Variants in UBE2E3 observed in about 807,000 individuals in gnomAD.
UBE2E3 encodes the protein ubiquitin-conjugating enzyme E2 E3.
In UBE2E3, 5 loss-of-function variants were observed where a neutral mutation model predicts 23.6. That is an observed-to-expected ratio of 0.21 (90% CI 0.11 to 0.44). The LOEUF (loss-of-function observed/expected upper bound fraction) is 0.44. UBE2E3 is among the 20% of genes least tolerant of loss of function. The pLI, the probability that UBE2E3 is intolerant of heterozygous loss-of-function variation, is 0.99. For missense variants in UBE2E3, 81 were observed against 249.8 expected, an observed-to-expected ratio of 0.32 and a Z score of 4.55; for synonymous variants, 78 against 87.5, an observed-to-expected ratio of 0.89 and a Z score of 0.60.
chr2:181,042,518 G>C (rs577333686), intron 3 of UBE2E3, among the ~76,000 whole-genome samples: 2 of 152,156 alleles, frequency 1.3e-5, no homozygotes, highest in African/African-American at 4.8e-5. Context: ...TCATCAGGGA[G>C]GTAGGAAGAA....
intron 3 of UBE2E3, among the ~76,000 whole-genome samples, chr2:180,993,200 T>C (rs1332861365): frequency 2.0e-5 from 3 of 152,200 alleles, no homozygotes; most frequent in South Asian, 2.1e-4. Context: ...ATACCAATAG[T>C]GAGGATCAGC....
rs565463656 is a variant in UBE2E3, at chr2:180,992,511, T to C, written c.245+8418T>C. Among the ~76,000 whole-genome samples the C allele has an allele frequency of 1.8e-3, 275 of 151,796 alleles. 1 individual carries two copies. The highest frequency in any genetic ancestry group is 3.2e-3 in the Non-Finnish European group (214 of 67,844). ...TCACTCATGTGAAGACCACTGTGGG[T>C]CCAGGGACTATCTTGGGCAGCTCTT... On this transcript the variant is annotated intron_variant, in intron 3 of 5. Transcript: ENST00000410062.
chr2:181,061,599 A>T (rs1384752429), intron 5 of UBE2E3, among the ~76,000 whole-genome samples: 1 of 151,562 alleles, frequency 6.6e-6, no homozygotes, highest in African/African-American at 2.4e-5. Context: ...TATTAAAATG[A>T]TAGCCAATGA....
At chr2:180,981,053 G>T (rs1338841113) in intron 1 of UBE2E3, 80 bp downstream of exon 1, 1 of 146,582 alleles carries the variant, frequency 6.8e-6, no homozygotes, top group Non-Finnish European at 1.5e-5. Flanking sequence ...GGGGCGGGCA[G>T]CTTTGTTCGC....
chr2:181,057,043 TAG>T (rs1687009660), intron 3 of UBE2E3, among the ~76,000 whole-genome samples: 1 of 151,446 alleles, frequency 6.6e-6, no homozygotes, highest in African/African-American at 2.4e-5. Flanking sequence ...AAAAGAAGAC[TAG>T]ATTCTGCAAA....
intron 3 of UBE2E3, chr2:180,990,128 G>C: frequency 1.2e-6 from 1 of 861,490 alleles, no homozygotes; most frequent in Middle Eastern, 3.9e-4. Flanking sequence ...TTTGCCTTTT[G>C]ATCAGTGGTT....
intron 3 of UBE2E3, among the ~76,000 whole-genome samples, chr2:181,029,782 A>C (rs6711045): frequency 0.018 from 2,697 of 148,380 alleles, 68 homozygotes; most frequent in African/African-American, 0.064. Flanking sequence ...GTCATCTTTA[A>C]TATTGATGTT....
intron 3 of UBE2E3, among the ~76,000 whole-genome samples, chr2:181,054,024 G>A (rs1405560397): frequency 6.6e-6 from 1 of 151,698 alleles, no homozygotes; most frequent in Non-Finnish European, 1.5e-5. Context: ...TGGCTTGATA[G>A]CTCATTTCTT....
At chr2:181,003,359 A>G (rs537046512) in intron 3 of UBE2E3, among the ~76,000 whole-genome samples, 4 of 152,362 alleles carry the variant, frequency 2.6e-5, no homozygotes, top group African/African-American at 9.6e-5. Context: ...CATGTTTCAG[A>G]TGACCTCTAA....
intron 3 of UBE2E3, among the ~76,000 whole-genome samples, chr2:181,055,664 A>G (rs1686968462): frequency 6.6e-6 from 1 of 151,770 alleles, no homozygotes; most frequent in African/African-American, 2.4e-5. Flanking sequence ...GTTATTTACT[A>G]TCCTGCAATA....
At chr2:181,047,710 C>T (rs1686713229) in intron 3 of UBE2E3, among the ~76,000 whole-genome samples, 1 of 152,082 alleles carries the variant, frequency 6.6e-6, no homozygotes, top group Admixed American at 6.6e-5. Flanking sequence ...TCTAGCCTAT[C>T]ATCATCTTTC....
intron 3 of UBE2E3, among the ~76,000 whole-genome samples, chr2:181,054,359 A>G (rs1686928710): frequency 6.6e-6 from 1 of 151,580 alleles, no homozygotes; most frequent in Non-Finnish European, 1.5e-5. Context: ...CTCCACTAGC[A>G]ATGGATGAGA....
chr2:180,998,101 A>G (rs761529878), intron 3 of UBE2E3, among the ~76,000 whole-genome samples: 2 of 152,172 alleles, frequency 1.3e-5, no homozygotes, highest in Non-Finnish European at 2.9e-5. Flanking sequence ...GCCAGACTCA[A>G]AGTGTAGAGC....
chr2:180,994,996 G>T (rs147682380), intron 3 of UBE2E3, among the ~76,000 whole-genome samples: 1 of 152,176 alleles, frequency 6.6e-6, no homozygotes, highest in Non-Finnish European at 1.5e-5. Context: ...TATTACTGCA[G>T]TAATTTTGTA....
chr2:180,995,835 T>C (rs1684808225), intron 3 of UBE2E3, among the ~76,000 whole-genome samples: 1 of 151,974 alleles, frequency 6.6e-6, no homozygotes, highest in South Asian at 2.1e-4. Context: ...AAAAGGCACC[T>C]AAGATCTGGT....
At chr2:180,995,994 T>A (rs1047284700) in intron 3 of UBE2E3, among the ~76,000 whole-genome samples, 1 of 152,186 alleles carries the variant, frequency 6.6e-6, no homozygotes, top group Admixed American at 6.5e-5. Flanking sequence ...TTTTTCAAAA[T>A]AATGAGTTGG....
At chr2:181,047,421 T>C (rs1686702279) in intron 3 of UBE2E3, among the ~76,000 whole-genome samples, 1 of 152,154 alleles carries the variant, frequency 6.6e-6, no homozygotes, top group Non-Finnish European at 1.5e-5. Context: ...TTATCTTACT[T>C]GTCTGTCTCT....
chr2:181,055,171 A>G (rs1419364641), intron 3 of UBE2E3, among the ~76,000 whole-genome samples: 4 of 151,802 alleles, frequency 2.6e-5, no homozygotes, highest in Non-Finnish European at 5.9e-5. Context: ...GCAGATGTAG[A>G]TAAGATTTCC....
At chr2:181,021,566 T>TC (rs1685683922) in intron 3 of UBE2E3, among the ~76,000 whole-genome samples, 10 of 101,890 alleles carry the variant, frequency 9.8e-5, no homozygotes, top group Non-Finnish European at 1.9e-4. Flanking sequence ...CTTCCTTCCT[T>TC]CCTTCCTCCC....
Sources: gnomAD v4.1 joint callset for allele counts (sites outside exome capture counted in the v4.1 genomes callset) on GRCh38, gnomAD v4.1.1 for gene constraint, MANE v1.5 for transcripts, NCBI Gene and HGNC (gene_info 2026-07-23, HGNC 2026-07-21) for gene names.